The following HTT variants were observed in gnomAD, a reference collection of about 807,000 sequenced individuals.
The protein encoded by HTT is huntington disease protein.
HTT carries 104 observed loss-of-function variants against 362.3 expected under a neutral mutation model. The observed-to-expected ratio is 0.29, with a 90% CI of 0.24 to 0.34. The LOEUF (loss-of-function observed/expected upper bound fraction) is 0.34. HTT is among the 10% of genes least tolerant of loss of function. The pLI is 1.00. For missense variants in HTT, 3,301 were observed against 3,928.6 expected (o/e 0.84, Z 4.27); for synonymous variants, 1,577 against 1,548.7 (o/e 1.02, Z -0.43).
At chr4:3,237,369 C>T (rs918002818) in intron 64 of HTT, among the ~76,000 whole-genome samples, 7 of 152,190 alleles carry the variant, frequency 4.6e-5, no homozygotes, top group East Asian at 1.9e-4. Flanking sequence ...CCACTGCGCC[C>T]GGCCCCCATG....
intron 2 of HTT, among the ~76,000 whole-genome samples, chr4:3,096,101 G>C (rs1713843689): frequency 6.6e-6 from 1 of 152,234 alleles, no homozygotes; most frequent in African/African-American, 2.4e-5. Flanking sequence ...AGACAAAGTG[G>C]ATTTCAAAGC....
At chr4:3,136,604 A>G (rs1164584584) in intron 21 of HTT, among the ~76,000 whole-genome samples, 2 of 151,984 alleles carry the variant, frequency 1.3e-5, no homozygotes, top group Admixed American at 1.3e-4. Context: ...GAAGAAAAAA[A>G]AAATCACCTT....
rs377273171 is a variant in HTT at position 3,222,517 on chromosome 4, A to G, written c.7470+30A>G. On this transcript the variant is annotated intron_variant, in intron 54 of 66. Transcript: ENST00000355072. ...GGCCACACCCTGTGCTGGTTGGCACATGGGCAGTTATGGCCGCTTGCAGGC... is the reference window on the plus strand; with the variant it reads ...GGCCACACCCTGTGCTGGTTGGCACGTGGGCAGTTATGGCCGCTTGCAGGC... 5.2e-5 allele frequency: 80 copies of G among 1,536,274 alleles called. No homozygotes were observed. In the Middle Eastern group the frequency reaches 5.5e-4, roughly 11 times the overall value.
intron 29 of HTT, among the ~76,000 whole-genome samples, chr4:3,162,300 G>A (rs1458905302): frequency 1.3e-5 from 2 of 152,226 alleles, no homozygotes; most frequent in Non-Finnish European, 2.9e-5. Flanking sequence ...TTTGGTACCA[G>A]TACCATGCAG....
chr4:3,096,362 C>T (rs373061099), intron 2 of HTT, among the ~76,000 whole-genome samples: 3 of 152,230 alleles, frequency 2.0e-5, no homozygotes, highest in Non-Finnish European at 4.4e-5. Flanking sequence ...ACACTGTCCC[C>T]TGTGCAACCT....
Position 3,187,890 on chromosome 4 carries a change from T to C in HTT, c.5225+4T>C, listed in dbSNP as rs370172856. ...TGCCAGAAGAAACATTTTCAAGGTA[T>C]GCTTTCTATCTGAGCCTATAACTAA... On this transcript the variant is annotated splice_donor_region_variant and intron_variant, in intron 39 of 66. Transcript: ENST00000355072. 3 of 1,575,510 alleles carry C rather than the reference T, an allele frequency of 1.9e-6. No individual in the cohort carries two copies. The highest frequency in any genetic ancestry group is 2.6e-6 in the Non-Finnish European group (3 of 1,146,390).
At chr4:3,170,220 A>G (rs1355627267) in intron 29 of HTT, among the ~76,000 whole-genome samples, 2 of 152,146 alleles carry the variant, frequency 1.3e-5, no homozygotes, top group African/African-American at 4.8e-5. Flanking sequence ...GTTGAGTTAC[A>G]TATAGATGGT....
At chr4:3,169,784 A>C (rs891892521) in intron 29 of HTT, among the ~76,000 whole-genome samples, 1 of 152,108 alleles carries the variant, frequency 6.6e-6, no homozygotes, top group African/African-American at 2.4e-5. Flanking sequence ...ATGTTGGCCA[A>C]ACTGGCCTTG....
chr4:3,170,642 C>T (rs1717925906), intron 29 of HTT, among the ~76,000 whole-genome samples: 1 of 152,306 alleles, frequency 6.6e-6, no homozygotes, highest in African/African-American at 2.4e-5. Flanking sequence ...AGATTCTCAG[C>T]ACCTCTTCAA....
At chr4:3,204,771 C>G (rs1160659535) in intron 42 of HTT, among the ~76,000 whole-genome samples, 1 of 152,046 alleles carries the variant, frequency 6.6e-6, no homozygotes, top group Non-Finnish European at 1.5e-5. Context: ...AGTTCGAGAC[C>G]AGCCTGGCAA....
intron 9 of HTT, among the ~76,000 whole-genome samples, chr4:3,122,374 G>T (rs1044929784): frequency 6.6e-6 from 1 of 152,254 alleles, no homozygotes; most frequent in Non-Finnish European, 1.5e-5. Flanking sequence ...CACAGTGTGT[G>T]TGCAGCGTGG....
In HTT at chr4:3,115,166, T is replaced by C. The variant is rs1714955167; in HGVS notation, c.748-138T>C. On this transcript the variant is annotated intron_variant, in intron 6 of 66. Coordinates refer to ENST00000355072, the MANE Select transcript of HTT (RefSeq NM_001388492.1). The stretch of plus-strand genomic sequence containing the variant: ...GTGTCCCAAATTTGGGGTACTTCAG[T>C]TCAGCTGTAGGAAAAGCCTCAAACT... The C allele has an allele frequency of 4.7e-6, 4 of 853,562 alleles. No individual in the cohort carries two copies. The Admixed American group carries it at 1.1e-4, about 24-fold the overall frequency. The allele number at this position is 853,562 out of a possible 1,614,324, so 52.9% of individuals were successfully genotyped here.
chr4:3,082,904 A>G (rs1278842454), intron 1 of HTT, among the ~76,000 whole-genome samples: 1 of 152,174 alleles, frequency 6.6e-6, no homozygotes, highest in African/African-American at 2.4e-5. Flanking sequence ...CTGAGCAGCC[A>G]CTATGGAGAA....
chr4:3,160,111 A>G (rs1186980614), intron 28 of HTT, among the ~76,000 whole-genome samples, 171 bp from the exon 29 acceptor site: 1 of 152,240 alleles, frequency 6.6e-6, no homozygotes, highest in Non-Finnish European at 1.5e-5. Flanking sequence ...TTCTTTCCAA[A>G]ATATTTTTCC....
intron 26 of HTT, among the ~76,000 whole-genome samples, chr4:3,149,357 G>A (rs1001611167): frequency 6.7e-6 from 1 of 148,454 alleles, no homozygotes; most frequent in South Asian, 2.1e-4. Context: ...GAGTGCAATG[G>A]TGTGATCTCA....
intron 22 of HTT, 37 bp downstream of exon 22, chr4:3,140,693 A>G (rs1716302389): frequency 1.9e-6 from 3 of 1,598,242 alleles, no homozygotes; most frequent in East Asian, 2.2e-5. Flanking sequence ...ATTGTCGGGA[A>G]AATGCCCTTT....
At chr4:3,164,176 G>A (rs749001919) in intron 29 of HTT, among the ~76,000 whole-genome samples, 13 of 152,012 alleles carry the variant, frequency 8.6e-5, no homozygotes, top group African/African-American at 1.9e-4. Flanking sequence ...CCTTCATTTC[G>A]TTATTTACCC....
Position 3,081,257 on chromosome 4 carries a change from G to A in HTT, c.264-5682G>A, listed in dbSNP as rs1348381375. ...TAAATGGTCAGATTGTAAGTATTTC[G>A]GGCTGTGTGGGCACAGTGTCTCTGT... On this transcript the variant is annotated intron_variant, in intron 1 of 66. Transcript: ENST00000355072. 2.6e-5 allele frequency among the ~76,000 whole-genome samples: 4 copies of A among 152,244 alleles called. No homozygotes were observed. The South Asian group carries it at 6.2e-4, about 24-fold the overall frequency.
chr4:3,175,197 G>A, intron 33 of HTT, 90 bp downstream of exon 33: 2 of 1,226,096 alleles, frequency 1.6e-6, no homozygotes, highest in Non-Finnish European at 2.3e-6. Context: ...TTAAAGAAAT[G>A]TGGTCTGCAT....
Sources: allele counts gnomAD v4.1 joint callset (sites outside exome capture counted in the v4.1 genomes callset), GRCh38; gene constraint gnomAD v4.1.1; transcripts MANE v1.5; gene names NCBI Gene and HGNC (gene_info 2026-07-23, HGNC 2026-07-21).